PLCL2: variants seen among roughly 807,000 people sequenced by gnomAD.
PLCL2 encodes phospholipase C like 2, also known as inactive phospholipase C-like protein 2.
In PLCL2, 4 loss-of-function variants were observed where a neutral mutation model predicts 79.6. That is an observed-to-expected ratio of 0.05 (90% CI 0.02 to 0.11). PLCL2 has a LOEUF of 0.11. PLCL2 is among the 10% of genes least tolerant of loss of function. The pLI is 1.00. For synonymous variants in PLCL2, 484 were observed against 457.7 expected, an observed-to-expected ratio of 1.06 and a Z score of -0.73; for missense variants, 895 against 1,291.0, an observed-to-expected ratio of 0.69 and a Z score of 4.70.
chr3:16,968,288 T>G (rs1043634514), intron 1 of PLCL2, among the ~76,000 whole-genome samples: 1 of 152,172 alleles, frequency 6.6e-6, no homozygotes, highest in South Asian at 2.1e-4. Flanking sequence ...TAACATAGTT[T>G]TTTTCTAATT....
chr3:16,921,539 T>A (rs1455985316), intron 1 of PLCL2, among the ~76,000 whole-genome samples: 1 of 152,124 alleles, frequency 6.6e-6, no homozygotes, highest in Non-Finnish European at 1.5e-5. Context: ...TAAAAGGGGA[T>A]CTTATTTCAA....
intron 4 of PLCL2, among the ~76,000 whole-genome samples, chr3:17,058,721 G>A (rs1483088139): frequency 1.3e-5 from 2 of 152,136 alleles, no homozygotes; most frequent in African/African-American, 4.8e-5. Flanking sequence ...AAGAGGGATC[G>A]CTGGCCCCTA....
intron 1 of PLCL2, among the ~76,000 whole-genome samples, chr3:16,905,877 A>G (rs1312855228): frequency 2.6e-5 from 4 of 152,154 alleles, no homozygotes; most frequent in Non-Finnish European, 4.4e-5. Flanking sequence ...GGCCCTGAAA[A>G]TGGAGTAGGT....
intron 3 of PLCL2, among the ~76,000 whole-genome samples, chr3:17,040,677 T>C (rs2064710490): frequency 6.6e-6 from 1 of 152,162 alleles, no homozygotes; most frequent in Non-Finnish European, 1.5e-5. Flanking sequence ...AATAAGCTTA[T>C]TTTATGGGTA....
In PLCL2 at chr3:17,041,363, G is replaced by A. The variant is rs528412712; in HGVS notation, c.3019-1511G>A. 4.6e-5 allele frequency among the ~76,000 whole-genome samples: 7 copies of A among 152,250 alleles called. No individual in the cohort carries two copies. In the South Asian group the frequency reaches 1.5e-3, roughly 32 times the overall value. ...TTCCACACAGGGGCTGCCTGCAGTA[G>A]ACCCCAGCGATGATTAAAGATACAT... On this transcript the variant is annotated intron_variant, in intron 3 of 5. Coordinates refer to ENST00000615277, the MANE Select transcript of PLCL2 (RefSeq NM_001144382.2).
At chr3:16,999,643 A>T (rs544586429) in intron 1 of PLCL2, among the ~76,000 whole-genome samples, 1 of 152,218 alleles carries the variant, frequency 6.6e-6, no homozygotes, top group African/African-American at 2.4e-5. Flanking sequence ...GCTAGCTCAC[A>T]TCTTGTGGCG....
intron 1 of PLCL2, among the ~76,000 whole-genome samples, chr3:16,928,167 A>T (rs1697302174): frequency 6.6e-6 from 1 of 152,194 alleles, no homozygotes; most frequent in Non-Finnish European, 1.5e-5. Context: ...ATGGTGATAC[A>T]CAGGATAGGC....
chr3:17,087,864 CTAGT>C (rs1219466878), intron 5 of PLCL2, among the ~76,000 whole-genome samples: 4 of 152,098 alleles, frequency 2.6e-5, no homozygotes, highest in Non-Finnish European at 5.9e-5. Context: ...AACACAAAGA[CTAGT>C]TAGTCTATTA....
At chr3:16,973,293 A>G (rs73039055) in intron 1 of PLCL2, among the ~76,000 whole-genome samples, 1,933 of 151,668 alleles carry the variant, frequency 0.013, 29 homozygotes, top group Non-Finnish European at 0.02. Flanking sequence ...TTTATTTAGG[A>G]ATGCTGAATA....
At position 16,974,770 on chromosome 3, in the gene PLCL2, C is replaced by CT. The variant is rs551371802; in HGVS notation, c.328-34903dup. Reference sequence around the variant, plus strand: ...CCATCTGTCATTTACCAAGTGAAGTCTAAGTCCAAAAGTGTTTTCTCAGTA... The same window carrying CT: ...CCATCTGTCATTTACCAAGTGAAGTCTTAAGTCCAAAAGTGTTTTCTCAGTA... On this transcript the variant is annotated intron_variant, in intron 1 of 5. Coordinates refer to ENST00000615277, the MANE Select transcript of PLCL2 (RefSeq NM_001144382.2). 4.2e-3 allele frequency among the ~76,000 whole-genome samples: 637 copies of CT among 152,302 alleles called. 2 individuals carry two copies. The highest frequency in any genetic ancestry group is 0.015 in the African/African-American group (612 of 41,562).
chr3:16,974,105 A>C (rs1008675178), intron 1 of PLCL2, among the ~76,000 whole-genome samples: 26 of 152,272 alleles, frequency 1.7e-4, no homozygotes, highest in African/African-American at 6.0e-4. Context: ...GGGAAGTATC[A>C]GGGAGAGTGG....
intron 1 of PLCL2, among the ~76,000 whole-genome samples, chr3:16,920,596 C>G (rs997758331): frequency 6.6e-6 from 1 of 152,152 alleles, no homozygotes; most frequent in African/African-American, 2.4e-5. Flanking sequence ...CTATTACACA[C>G]TAGCATGGCT....
chr3:17,084,844 G>A lies in PLCL2; in HGVS notation c.3205-4889G>A, dbSNP rs190327347. On this transcript the variant is annotated intron_variant, in intron 5 of 5. Transcript: ENST00000615277. ...CATATTTAAAGGTGAGAAACTGAAA[G>A]CATTCCCGATAAGATTAGGGACAAA... Among the ~76,000 whole-genome samples, 137 of 152,262 alleles carry A rather than the reference G, an allele frequency of 9.0e-4. 1 individual carries two copies. Among genetic ancestry groups the A allele is most frequent in the Admixed American group, 1.2e-3 (19 of 15,294 alleles).
chr3:16,886,317 A>G lies in PLCL2; in HGVS notation c.327+951A>G, dbSNP rs1260442084. ...ATGAAAACATTGCTTTCTGAAAATC[A>G]AGGAGTTATCAGGACAGGGAGCAGC... On this transcript the variant is annotated intron_variant, in intron 1 of 5. Coordinates refer to ENST00000615277, the MANE Select transcript of PLCL2 (RefSeq NM_001144382.2). The surrounding 1 kb of genome is among the most constrained non-coding windows in gnomAD (Gnocchi z 4.2). 6.6e-6 allele frequency among the ~76,000 whole-genome samples: 1 copy of G among 152,232 alleles called. No homozygotes were observed. Among genetic ancestry groups the G allele is most frequent in the East Asian group, 1.9e-4 (1 of 5,200 alleles).
At chr3:16,960,383 A>G (rs2063744195) in intron 1 of PLCL2, among the ~76,000 whole-genome samples, 1 of 152,040 alleles carries the variant, frequency 6.6e-6, no homozygotes, top group Non-Finnish European at 1.5e-5. Context: ...CAGGGTCATC[A>G]CTGCCTAGTG....
chr3:17,029,559 C>T (rs942255601), intron 3 of PLCL2, among the ~76,000 whole-genome samples: 5 of 152,086 alleles, frequency 3.3e-5, no homozygotes, highest in Admixed American at 2.0e-4. Flanking sequence ...TCAATTGTTA[C>T]ATGAGCTAAT....
chr3:16,944,414 GC>G (rs1015278339), intron 1 of PLCL2, among the ~76,000 whole-genome samples: 1 of 152,138 alleles, frequency 6.6e-6, no homozygotes, highest in African/African-American at 2.4e-5. Context: ...GCTGAACTGT[GC>G]CCCCTCAAAA....
At chr3:16,888,432 A>G (rs915878563) in intron 1 of PLCL2, among the ~76,000 whole-genome samples, 5 of 152,350 alleles carry the variant, frequency 3.3e-5, no homozygotes, top group Middle Eastern at 3.4e-3. Context: ...TGAGATGATA[A>G]ATAAATCATG....
At chr3:16,979,795 CTTTCTAT>C (rs2063963288) in intron 1 of PLCL2, among the ~76,000 whole-genome samples, 1 of 149,334 alleles carries the variant, frequency 6.7e-6, no homozygotes, top group South Asian at 2.2e-4. Context: ...CCTTTCCCCC[CTTTCTAT>C]TCCACAAAAC....
Sources: allele counts gnomAD v4.1 joint callset (sites outside exome capture counted in the v4.1 genomes callset), GRCh38; gene constraint gnomAD v4.1.1; non-coding constraint Gnocchi (gnomAD v3.1); transcripts MANE v1.5; gene names NCBI Gene and HGNC (gene_info 2026-07-23, HGNC 2026-07-21).